Variants in OPA1 observed in about 807,000 individuals in gnomAD.
OPA1 encodes the protein dynamin-like GTPase OPA1, mitochondrial.
Under a neutral mutation model 152.9 loss-of-function variants are expected in OPA1, and 59 were observed. That is an observed-to-expected ratio of 0.39 (90% CI 0.31 to 0.48). OPA1 has a LOEUF of 0.48. Ranked by LOEUF, OPA1 falls within the 20% of genes least tolerant of loss-of-function variation. The pLI, the probability that OPA1 is intolerant of heterozygous loss-of-function variation, is 0.96. For missense variants in OPA1, 1,008 were observed against 1,216.8 expected (o/e 0.83, Z 2.55); for synonymous variants, 400 against 389.9 (o/e 1.03, Z -0.31).
intron 7 of OPA1, among the ~76,000 whole-genome samples, chr3:193,630,801 T>A (rs1481426001): frequency 6.6e-6 from 1 of 152,176 alleles, no homozygotes; most frequent in East Asian, 1.9e-4. Flanking sequence ...TATTATATTT[T>A]GTATTTATAA....
chr3:193,643,222 C>A, intron 13 of OPA1, 151 bp from the exon 14 acceptor site: 1 of 863,846 alleles, frequency 1.2e-6, no homozygotes, highest in Non-Finnish European at 1.9e-6. Context: ...AGAATAATTA[C>A]TTTTAGGATC....
chr3:193,613,205 A>T (rs574802920), intron 1 of OPA1, among the ~76,000 whole-genome samples: 1 of 152,314 alleles, frequency 6.6e-6, no homozygotes, highest in Non-Finnish European at 1.5e-5. Flanking sequence ...GGCCACTGGG[A>T]TTGGCCAACA....
At chr3:193,616,222 G>A (rs1248252743) in intron 3 of OPA1, among the ~76,000 whole-genome samples, 1 of 152,102 alleles carries the variant, frequency 6.6e-6, no homozygotes, top group Non-Finnish European at 1.5e-5. Context: ...ATGTTGCCCA[G>A]GCTAGTCTCA....
At chr3:193,645,683 A>C in intron 17 of OPA1, 45 bp from the exon 18 acceptor site, 1 of 1,607,774 alleles carries the variant, frequency 6.2e-7, no homozygotes, top group Non-Finnish European at 8.5e-7. Context: ...TCAAATAATA[A>C]AGAGTAATTT....
At chr3:193,659,372 T>G (rs906082038) in intron 24 of OPA1, 110 bp from the exon 25 acceptor site, 4 of 946,132 alleles carry the variant, frequency 4.2e-6, no homozygotes, top group Admixed American at 4.2e-5. Flanking sequence ...TTCAACTGCC[T>G]TCATATTGAT....
At chr3:193,645,197 C>G (rs954084789) in intron 16 of OPA1, among the ~76,000 whole-genome samples, 2 of 152,114 alleles carry the variant, frequency 1.3e-5, no homozygotes, top group African/African-American at 2.4e-5. Context: ...ATGCCTGGCA[C>G]TGTATCATAT....
At position 193,672,387 on chromosome 3, in the gene OPA1, G is replaced by A. The variant is rs374253096; in HGVS notation, c.2983+5107G>A. On this transcript the variant is annotated intron_variant, in intron 29 of 30. Coordinates refer to ENST00000361510, the MANE Select transcript of OPA1 (RefSeq NM_130837.3). ...CAGTACAGTGTGGAATTATTTTATT[G>A]TTTTTTCTGTGAACATTGTATCTGC... 8.5e-5 allele frequency among the ~76,000 whole-genome samples: 13 copies of A among 152,228 alleles called. No individual in the cohort carries two copies. In the South Asian group the frequency reaches 2.7e-3, roughly 32 times the overall value.
At chr3:193,613,589 T>TTTG (rs1728576561) in intron 1 of OPA1, among the ~76,000 whole-genome samples, 4 of 152,014 alleles carry the variant, frequency 2.6e-5, no homozygotes, top group African/African-American at 9.7e-5. Context: ...TTGTTTGTTT[T>TTTG]TTTTTGGAGG....
chr3:193,676,870 G>A (rs1287197631), intron 29 of OPA1, among the ~76,000 whole-genome samples: 18 of 151,574 alleles, frequency 1.2e-4, no homozygotes, highest in South Asian at 4.2e-4. Flanking sequence ...AGTCCCAGCT[G>A]CTGGGGAGGC....
At chr3:193,668,326 T>C in intron 29 of OPA1, 1 of 1,550,752 alleles carries the variant, frequency 6.4e-7, no homozygotes, top group African/African-American at 1.4e-5. Context: ...AATGTTCTTT[T>C]TCCCCAGCTC....
intron 8 of OPA1, among the ~76,000 whole-genome samples, chr3:193,634,793 T>C (rs1262211195): frequency 6.6e-6 from 1 of 152,180 alleles, no homozygotes; most frequent in Non-Finnish European, 1.5e-5. Context: ...CTGACAGCCC[T>C]CTATTCAAAA....
Position 193,642,782 on chromosome 3 carries a change from T to C in OPA1, c.1167T>C (p.Gly389=), listed in dbSNP as rs761136763. 6.2e-7 allele frequency: 1 copy of C among 1,612,688 alleles called. No homozygotes were observed. The highest frequency in any genetic ancestry group is 8.5e-7 in the Non-Finnish European group (1 of 1,178,738). Residue 389 remains glycine (G), a synonymous_variant, in exon 12 of 31, where the codon GGT becomes GGC. Transcript: ENST00000361510. ...RSPVKVTLSE[G]PHHVALFKDS... is the part of the protein sequence containing the mutation. ...ACTATCAGGTGACTCTGAGTGAAGG[T>C]CCTCACCATGTGGCCCTATTTAAAG...
chr3:193,674,973 C>T (rs1482030813), intron 29 of OPA1, among the ~76,000 whole-genome samples: 1 of 152,156 alleles, frequency 6.6e-6, no homozygotes, highest in African/African-American at 2.4e-5. Context: ...CGTGTACCCG[C>T]CTGCCCCTGA....
At chr3:193,633,212 C>T (rs1349494894) in intron 8 of OPA1, among the ~76,000 whole-genome samples, 1 of 152,126 alleles carries the variant, frequency 6.6e-6, no homozygotes, top group African/African-American at 2.4e-5. Flanking sequence ...AATGCACATT[C>T]TTGACCCCAT....
At chr3:193,607,800 A>G (rs941158932) in intron 1 of OPA1, among the ~76,000 whole-genome samples, 2 of 152,192 alleles carry the variant, frequency 1.3e-5, no homozygotes, top group Non-Finnish European at 2.9e-5. Context: ...CTGTGAAGAA[A>G]GTCTTTGGTA....
At chr3:193,637,820 C>T (rs796287744) in intron 10 of OPA1, 132 bp from the exon 11 acceptor site, 71 of 766,914 alleles carry the variant, frequency 9.3e-5, no homozygotes, top group Middle Eastern at 7.7e-4. Flanking sequence ...CATTTTTTTA[C>T]GGATTTTAAA....
chr3:193,696,362 A>G lies in OPA1; in HGVS notation c.*1762A>G, dbSNP rs1722248636. On this transcript the variant is annotated 3_prime_UTR_variant, in exon 31 of 31. Transcript: ENST00000361510. The stretch of plus-strand genomic sequence containing the variant: ...TCACATCCCTTTGTATAAGTTTTAA[A>G]AAGAGATGGAGGGAGATCTTCATTT... 1 of 152,264 alleles carries G rather than the reference A, an allele frequency of 6.6e-6. No homozygotes were observed. The highest frequency in any genetic ancestry group is 1.5e-5 in the Non-Finnish European group (1 of 68,046). 9.4% of individuals were successfully genotyped at this position (152,264 alleles called of 1,614,324 possible). A position where few individuals can be genotyped will look rare whatever the true frequency, so the allele number is the denominator to read the frequency against.
In OPA1 at chr3:193,697,127, GAGTC is replaced by G. The variant is rs1722317182; in HGVS notation, c.*2530_*2533del. On this transcript the variant is annotated 3_prime_UTR_variant, in exon 31 of 31. Coordinates refer to ENST00000361510, the MANE Select transcript of OPA1 (RefSeq NM_130837.3). ...AATGTGGGAATTTGACATAGGATGA[GAGTC>G]AGAGTATAGGTTTAAAAGATAAAAT... 6.6e-6 allele frequency: 1 copy of G among 152,208 alleles called. No homozygotes were observed. Among genetic ancestry groups the G allele is most frequent in the African/African-American group, 2.4e-5 (1 of 41,450 alleles). The allele number at this position is 152,208 out of a possible 1,614,324, so 9.4% of individuals were successfully genotyped here. A position where few individuals can be genotyped will look rare whatever the true frequency, so the allele number is the denominator to read the frequency against.
At chr3:193,668,056 C>T (rs1385014172) in intron 29 of OPA1, among the ~76,000 whole-genome samples, 1 of 152,056 alleles carries the variant, frequency 6.6e-6, no homozygotes, top group African/African-American at 2.4e-5. Flanking sequence ...TGTGTGTGTG[C>T]AGGTGAATAT....
Sources: allele counts gnomAD v4.1 joint callset (sites outside exome capture counted in the v4.1 genomes callset), GRCh38; gene constraint gnomAD v4.1.1; transcripts MANE v1.5; gene names NCBI Gene and HGNC (gene_info 2026-07-23, HGNC 2026-07-21).